NXPH2: variants seen among roughly 807,000 people sequenced by gnomAD.
The protein encoded by NXPH2 is neurexophilin 2, also known as neurexophilin-2.
In NXPH2, 5 loss-of-function variants were observed where a neutral mutation model predicts 19.8. The observed-to-expected ratio is 0.25, with a 90% CI of 0.13 to 0.53. NXPH2 has a LOEUF of 0.53. Among genes scored for constraint, NXPH2 ranks in the 20% least tolerant of loss-of-function variants. The probability of loss-of-function intolerance (pLI) is 0.96; values close to 1 mark genes in which losing one functional copy is unlikely to be tolerated. For synonymous variants in NXPH2, 154 were observed against 127.4 expected (o/e 1.21, Z -1.41); for missense variants, 289 against 322.8 (o/e 0.90, Z 0.80).
At chr2:138,775,493 C>T (rs571301360) in intron 1 of NXPH2, among the ~76,000 whole-genome samples, 1 of 152,096 alleles carries the variant, frequency 6.6e-6, no homozygotes, top group East Asian at 1.9e-4. Flanking sequence ...ATAAAAAATG[C>T]ATTAGTAAAT....
At chr2:138,730,834 C>T (rs530933469) in intron 1 of NXPH2, among the ~76,000 whole-genome samples, 16 of 152,294 alleles carry the variant, frequency 1.1e-4, no homozygotes, top group African/African-American at 3.8e-4. Context: ...ATGAGCATAA[C>T]AAATTGGTTG....
chr2:138,684,343 T>A (rs1680617803), intron 1 of NXPH2, among the ~76,000 whole-genome samples: 1 of 152,124 alleles, frequency 6.6e-6, no homozygotes, highest in South Asian at 2.1e-4. Context: ...AAAACCTGAT[T>A]AATATATTTG....
intron 1 of NXPH2, among the ~76,000 whole-genome samples, chr2:138,688,903 C>G (rs1374355741): frequency 6.6e-6 from 1 of 152,188 alleles, no homozygotes; most frequent in Non-Finnish European, 1.5e-5. Context: ...TTTCACTAGG[C>G]TGAACTCCTT....
At chr2:138,758,980 C>A (rs943976061) in intron 1 of NXPH2, among the ~76,000 whole-genome samples, 1 of 152,084 alleles carries the variant, frequency 6.6e-6, no homozygotes, top group Non-Finnish European at 1.5e-5. Context: ...GCCACCCACC[C>A]CAGTTATAAA....
intron 1 of NXPH2, among the ~76,000 whole-genome samples, chr2:138,672,505 C>T (rs1436464342): frequency 6.6e-6 from 1 of 151,644 alleles, no homozygotes; most frequent in African/African-American, 2.4e-5. Context: ...TGTAAGAGTC[C>T]CCATGTTTAC....
intron 1 of NXPH2, among the ~76,000 whole-genome samples, chr2:138,755,955 G>C (rs1573979455): frequency 6.6e-6 from 1 of 151,942 alleles, no homozygotes; most frequent in South Asian, 2.1e-4. Flanking sequence ...GGATGTTTCA[G>C]ATTTCAAATT....
Position 138,689,181 on chromosome 2 carries a change from A to C in NXPH2, c.52-17516T>G, listed in dbSNP as rs145979825. Reference sequence around the variant, plus strand: ...CTAAATTATTGGGGATCAAGCCATGAAGTTTAATTGACTGTGATTTTTTAG... The same window carrying C: ...CTAAATTATTGGGGATCAAGCCATGCAGTTTAATTGACTGTGATTTTTTAG... On this transcript the variant is annotated intron_variant, in intron 1 of 1. Coordinates refer to ENST00000272641, the MANE Select transcript of NXPH2 (RefSeq NM_007226.3). Among the ~76,000 whole-genome samples, 870 of 152,314 alleles carry C rather than the reference A, an allele frequency of 5.7e-3. 10 individuals carry two copies. The highest frequency in any genetic ancestry group is 0.02 in the African/African-American group (841 of 41,566).
At chr2:138,774,289 T>A (rs1227075827) in intron 1 of NXPH2, among the ~76,000 whole-genome samples, 1 of 152,200 alleles carries the variant, frequency 6.6e-6, no homozygotes, top group Non-Finnish European at 1.5e-5. Flanking sequence ...GCTGATTATA[T>A]GTTAAATAAG....
At chr2:138,708,357 T>A (rs1681048128) in intron 1 of NXPH2, among the ~76,000 whole-genome samples, 1 of 152,212 alleles carries the variant, frequency 6.6e-6, no homozygotes, top group Admixed American at 6.5e-5. Flanking sequence ...GAACATACAA[T>A]TGAGCTGGCA....
At chr2:138,724,036 C>A (rs1384485342) in intron 1 of NXPH2, among the ~76,000 whole-genome samples, 21 of 151,670 alleles carry the variant, frequency 1.4e-4, no homozygotes, top group Non-Finnish European at 1.5e-5. Flanking sequence ...ATTTCATCAC[C>A]CAGGTATTAA....
At chr2:138,741,836 A>T (rs2105006520) in intron 1 of NXPH2, among the ~76,000 whole-genome samples, 1 of 152,308 alleles carries the variant, frequency 6.6e-6, no homozygotes, top group East Asian at 1.9e-4. Context: ...CCAAATTGAC[A>T]GAAGTAGAGG....
At chr2:138,766,779 T>C (rs1232072588) in intron 1 of NXPH2, among the ~76,000 whole-genome samples, 1 of 152,206 alleles carries the variant, frequency 6.6e-6, no homozygotes, top group Admixed American at 6.5e-5. Context: ...TGAGGTCAAA[T>C]ACAAAACACA....
rs115430735 is a variant in NXPH2 at position 138,729,900 on chromosome 2, G to T, written c.51+50291C>A. Among the ~76,000 whole-genome samples, 1,325 of 152,158 alleles carry T rather than the reference G, an allele frequency of 8.7e-3. 26 individuals are homozygous for T. Among genetic ancestry groups the T allele is most frequent in the African/African-American group, 0.03 (1,252 of 41,494 alleles). On this transcript the variant is annotated intron_variant, in intron 1 of 1. Transcript: ENST00000272641. ...CTGAAGTGATGTTTTTGTCTGCTCGGGCTGCTGTAACAAATACCACAGACT... is the reference window on the plus strand; with the variant it reads ...CTGAAGTGATGTTTTTGTCTGCTCGTGCTGCTGTAACAAATACCACAGACT...
intron 1 of NXPH2, among the ~76,000 whole-genome samples, chr2:138,738,741 C>A (rs988916153): frequency 6.6e-6 from 1 of 152,192 alleles, no homozygotes; most frequent in African/African-American, 2.4e-5. Context: ...AAGGGGACTG[C>A]CTGAATTTGC....
In NXPH2 at chr2:138,671,417, C is replaced by T. The variant is rs1315202047; in HGVS notation, c.300G>A (p.Arg100=). 4 of 1,614,030 alleles carry T rather than the reference C, an allele frequency of 2.5e-6. No homozygotes were observed. Among genetic ancestry groups the T allele is most frequent in the Non-Finnish European group, 1.7e-6 (2 of 1,179,886 alleles). The change falls in exon 2 of 2, where the codon AGG becomes AGA. Residue 100 remains arginine, a synonymous_variant. Transcript: ENST00000272641. ...TAAATTTTCCTGTTTTTACTATTGG[C>T]CTCCGTTTAGTTCTTGCCAATGGCT... ...IQEPLARTKR[R]PIVKTGKFKK... is the part of the protein sequence containing the mutation.
rs1392608365 is a variant in NXPH2 at position 138,757,294 on chromosome 2, T to G, written c.51+22897A>C. 3.3e-5 allele frequency among the ~76,000 whole-genome samples: 5 copies of G among 152,212 alleles called. No homozygotes were observed. The East Asian group carries it at 9.7e-4, about 29-fold the overall frequency. On this transcript the variant is annotated intron_variant, in intron 1 of 1. Transcript: ENST00000272641. ...TGGGTTAGATGGGCCATGAGAGAGA[T>G]TCTTCTGAGATGTAGAAGGCGTAAG...
At chr2:138,732,349 A>G (rs550479804) in intron 1 of NXPH2, among the ~76,000 whole-genome samples, 1 of 152,342 alleles carries the variant, frequency 6.6e-6, no homozygotes, top group South Asian at 2.1e-4. Flanking sequence ...CACATCCAGC[A>G]CTGGAAGAGT....
At chr2:138,728,155 G>GCTCTCTCT (rs58409379) in intron 1 of NXPH2, among the ~76,000 whole-genome samples, 2 of 148,650 alleles carry the variant, frequency 1.3e-5, no homozygotes, top group African/African-American at 4.9e-5. Context: ...ACCAGAGTGC[G>GCTCTCTCT]CTCTCTCTCT....
chr2:138,777,090 C>CT (rs1682274838), intron 1 of NXPH2, among the ~76,000 whole-genome samples: 1 of 151,866 alleles, frequency 6.6e-6, no homozygotes, highest in Non-Finnish European at 1.5e-5. Flanking sequence ...AAAATTTATT[C>CT]TTTTTTTAAT....
Sources: allele counts gnomAD v4.1 joint callset (sites outside exome capture counted in the v4.1 genomes callset), GRCh38; gene constraint gnomAD v4.1.1; transcripts MANE v1.5; gene names NCBI Gene and HGNC (gene_info 2026-07-23, HGNC 2026-07-21).